Variants in PCMT1 observed in about 807,000 individuals in gnomAD.
PCMT1 encodes the protein protein-L-isoaspartate(D-aspartate) O-methyltransferase.
In PCMT1, 9 loss-of-function variants were observed where a neutral mutation model predicts 29.2. The observed-to-expected ratio is 0.31, with a 90% CI of 0.19 to 0.54. The LOEUF (loss-of-function observed/expected upper bound fraction) is 0.54. PCMT1 is among the 20% of genes least tolerant of loss of function. PCMT1 has a pLI of 0.95. For synonymous variants in PCMT1, 98 were observed against 97.5 expected (o/e 1.00, Z -0.03); for missense variants, 184 against 282.2 (o/e 0.65, Z 2.49).
chr6:149,771,828 A>T (rs1787338003), intron 2 of PCMT1, among the ~76,000 whole-genome samples: 1 of 152,100 alleles, frequency 6.6e-6, no homozygotes, highest in Admixed American at 6.6e-5. Context: ...GTAAAAAAAA[A>T]CTTTTAATGA....
At chr6:149,771,895 A>C (rs1421320812) in intron 2 of PCMT1, 2 of 440,140 alleles carry the variant, frequency 4.5e-6, no homozygotes, top group Admixed American at 5.0e-5. Context: ...GTGTTGACTA[A>C]AGATTAGTTT....
Position 149,810,862 on chromosome 6 carries a change from T to G in PCMT1, c.*284T>G, listed in dbSNP as rs765127276. ...GTGTAATATTACTTTAACATGCCCATATTTTACTTGGAAATATTAAAAGAA... is the reference window on the plus strand; with the variant it reads ...GTGTAATATTACTTTAACATGCCCAGATTTTACTTGGAAATATTAAAAGAA... On this transcript the variant is annotated 3_prime_UTR_variant, in exon 8 of 8. Transcript: ENST00000464889. 2.5e-6 allele frequency: 1 copy of G among 401,790 alleles called. No homozygotes were observed. Among genetic ancestry groups the G allele is most frequent in the Non-Finnish European group, 4.4e-6 (1 of 225,940 alleles). The allele number at this position is 401,790 out of a possible 1,614,324, so 24.9% of individuals were successfully genotyped here. A position where few individuals can be genotyped will look rare whatever the true frequency, so the allele number is the denominator to read the frequency against.
intron 1 of PCMT1, among the ~76,000 whole-genome samples, chr6:149,763,138 TATATATATCTATG>T (rs1307845767): frequency 3.4e-5 from 2 of 59,366 alleles, no homozygotes; most frequent in Non-Finnish European, 4.8e-5. Flanking sequence ...ATATATATGA[TATATATATCTATG>T]ATATATATCT....
At chr6:149,767,090 T>C (rs1456011029) in intron 1 of PCMT1, among the ~76,000 whole-genome samples, 1 of 151,826 alleles carries the variant, frequency 6.6e-6, no homozygotes, top group Non-Finnish European at 1.5e-5. Context: ...GCGCTTATAA[T>C]CCCAGCTACT....
intron 3 of PCMT1, among the ~76,000 whole-genome samples, chr6:149,784,475 CTT>C (rs1262165514): frequency 9.6e-5 from 14 of 145,250 alleles, no homozygotes; most frequent in South Asian, 4.4e-4. Context: ...TTAACTCTCT[CTT>C]TTTTTTTTTT....
intron 1 of PCMT1, among the ~76,000 whole-genome samples, chr6:149,756,663 C>T (rs1460925368): frequency 6.6e-6 from 1 of 151,284 alleles, no homozygotes; most frequent in Non-Finnish European, 1.5e-5. Flanking sequence ...CTGCGCCCAG[C>T]CAGCATTTAC....
chr6:149,753,442 C>G (rs939856418), intron 1 of PCMT1, among the ~76,000 whole-genome samples: 1 of 152,030 alleles, frequency 6.6e-6, no homozygotes, highest in Non-Finnish European at 1.5e-5. Flanking sequence ...AAGCAATTCT[C>G]TGGCCTCAGC....
chr6:149,761,274 TGTG>T, intron 1 of PCMT1, among the ~76,000 whole-genome samples: 1 of 152,018 alleles, frequency 6.6e-6, no homozygotes, highest in East Asian at 1.9e-4. Flanking sequence ...TGTGTGTGTG[TGTG>T]TGTACATATA....
At chr6:149,778,069 G>T (rs1787650949) in intron 3 of PCMT1, among the ~76,000 whole-genome samples, 1 of 151,228 alleles carries the variant, frequency 6.6e-6, no homozygotes, top group South Asian at 2.1e-4. Flanking sequence ...TAGAGACAGG[G>T]TTTCGTCACG....
At chr6:149,796,601 C>T in intron 6 of PCMT1, 101 bp downstream of exon 6, 2 of 746,786 alleles carry the variant, frequency 2.7e-6, no homozygotes, top group Non-Finnish European at 4.4e-6. Flanking sequence ...TATAATTAGA[C>T]TTTTATATCA....
In PCMT1 at chr6:149,773,130, TTTTGCAGG is replaced by T; in HGVS notation, c.161-4_164del. ...GACTGTATCAGTAGTTCTCTTCTTC[TTTTGCAGG>T]TTTCCAAGCAACAATCAGTGCTCCA... On this transcript the variant is annotated splice_acceptor_variant and splice_polypyrimidine_tract_variant and coding_sequence_variant and intron_variant, in exon 3 of 8. Coordinates refer to ENST00000464889, the MANE Select transcript of PCMT1 (RefSeq NM_001360452.2). LOFTEE classifies it high-confidence loss of function. 1 of 1,609,008 alleles carries T rather than the reference TTTTGCAGG, an allele frequency of 6.2e-7. No individual in the cohort carries two copies. The highest frequency in any genetic ancestry group is 8.5e-7 in the Non-Finnish European group (1 of 1,175,988).
Position 149,796,720 on chromosome 6 carries a change from C to A in PCMT1, c.504+220C>A, listed in dbSNP as rs1307848904. 7.1e-6 allele frequency: 3 copies of A among 423,488 alleles called. No homozygotes were observed. In the Admixed American group the frequency reaches 1.2e-4, roughly 18 times the overall value. The allele number at this position is 423,488 out of a possible 1,614,324, so 26.2% of individuals were successfully genotyped here. A position where few individuals can be genotyped will look rare whatever the true frequency, so the allele number is the denominator to read the frequency against. On this transcript the variant is annotated intron_variant, in intron 6 of 7. Coordinates refer to ENST00000464889, the MANE Select transcript of PCMT1 (RefSeq NM_001360452.2). Reference sequence around the variant, plus strand: ...CCAGTTTGTGGCGCTCATATTTGATCCAGGTAAGAACTAGGACAACAGTAG... The same window carrying A: ...CCAGTTTGTGGCGCTCATATTTGATACAGGTAAGAACTAGGACAACAGTAG...
chr6:149,752,238 C>G lies in PCMT1; in HGVS notation c.55+2282C>G, dbSNP rs192719685. Among the ~76,000 whole-genome samples, 5 of 151,512 alleles carry G rather than the reference C, an allele frequency of 3.3e-5. No individual in the cohort carries two copies. In the East Asian group the frequency reaches 9.7e-4, roughly 29 times the overall value. ...TTGAGACAGAGTTTTGCTCTTGTTT[C>G]CCAAGCTGGAGTGCAATGGCGTGAT... On this transcript the variant is annotated intron_variant, in intron 1 of 7. Coordinates refer to ENST00000464889, the MANE Select transcript of PCMT1 (RefSeq NM_001360452.2).
At chr6:149,750,019 C>A in intron 1 of PCMT1, 63 bp downstream of exon 1, 1 of 1,530,778 alleles carries the variant, frequency 6.5e-7, no homozygotes. Flanking sequence ...CCGGGTCCCC[C>A]TGGGCCGTCC....
intron 6 of PCMT1, chr6:149,799,158 T>G (rs1233198438): frequency 6.6e-6 from 1 of 151,700 alleles, no homozygotes; most frequent in Non-Finnish European, 1.5e-5. Context: ...ACAAAAAAAT[T>G]TTAAAATTAG....
At chr6:149,762,834 TATATATATCTATG>T (rs537262812) in intron 1 of PCMT1, among the ~76,000 whole-genome samples, 5,260 of 52,794 alleles carry the variant, frequency 0.1, 1,199 homozygotes, top group Middle Eastern at 0.16. Context: ...ATATATATGA[TATATATATCTATG>T]ATATATATCT....
At chr6:149,805,390 G>A (rs539230633) in intron 7 of PCMT1, among the ~76,000 whole-genome samples, 7 of 151,444 alleles carry the variant, frequency 4.6e-5, no homozygotes, top group African/African-American at 9.7e-5. Flanking sequence ...TCAGGAGATC[G>A]AGACCATCCT....
chr6:149,805,482 T>C (rs981792711), intron 7 of PCMT1, among the ~76,000 whole-genome samples: 3 of 151,850 alleles, frequency 2.0e-5, no homozygotes, highest in Admixed American at 2.0e-4. Context: ...TAGTCCCAGC[T>C]ACTCGGGAGG....
chr6:149,751,746 C>T (rs571607291), intron 1 of PCMT1, among the ~76,000 whole-genome samples: 2 of 152,070 alleles, frequency 1.3e-5, no homozygotes, highest in South Asian at 4.1e-4. Context: ...TCCCAAAGTG[C>T]TGGGATTATA....
Sources: gnomAD v4.1 joint callset for allele counts (sites outside exome capture counted in the v4.1 genomes callset) on GRCh38, gnomAD v4.1.1 for gene constraint, MANE v1.5 for transcripts, NCBI Gene and HGNC (gene_info 2026-07-23, HGNC 2026-07-21) for gene names.